CNTN4: variants seen among roughly 807,000 people sequenced by gnomAD.
CNTN4 encodes contactin-4.
Under a neutral mutation model 122.5 loss-of-function variants are expected in CNTN4, and 77 were observed. The observed-to-expected ratio is 0.63, with a 90% CI of 0.52 to 0.76. The LOEUF (loss-of-function observed/expected upper bound fraction) is 0.76, where lower values mean the gene tolerates loss of function less well. Ranked by LOEUF, CNTN4 falls within the 30% of genes least tolerant of loss-of-function variation. The pLI is 0.00. For missense variants in CNTN4, 1,256 were observed against 1,259.1 expected (o/e 1.00, Z 0.04); for synonymous variants, 512 against 447.0 (o/e 1.15, Z -1.83).
chr3:2,692,248 G>T (rs572472061), intron 4 of CNTN4, among the ~76,000 whole-genome samples: 1 of 152,304 alleles, frequency 6.6e-6, no homozygotes, highest in South Asian at 2.1e-4. Context: ...TTGGCAAGAA[G>T]CAGCTTTGCT....
At chr3:2,700,785 T>C (rs2086313291) in intron 4 of CNTN4, among the ~76,000 whole-genome samples, 1 of 152,228 alleles carries the variant, frequency 6.6e-6, no homozygotes, top group Admixed American at 6.5e-5. Flanking sequence ...TGAATTTTGA[T>C]GAAAATGAAA....
intron 7 of CNTN4, among the ~76,000 whole-genome samples, chr3:2,855,376 T>C (rs1343825378): frequency 6.6e-6 from 1 of 152,242 alleles, no homozygotes; most frequent in Non-Finnish European, 1.5e-5. Flanking sequence ...GCTTATGTAA[T>C]TTTCTATATC....
intron 2 of CNTN4, among the ~76,000 whole-genome samples, chr3:2,142,067 T>C (rs2035021994): frequency 6.6e-6 from 1 of 152,218 alleles, no homozygotes; most frequent in Non-Finnish European, 1.5e-5. Context: ...ATTTCTGTCG[T>C]AGGCATATTA....
intron 2 of CNTN4, among the ~76,000 whole-genome samples, chr3:2,194,650 G>T (rs530385221): frequency 1.3e-5 from 2 of 152,260 alleles, no homozygotes; most frequent in South Asian, 4.1e-4. Flanking sequence ...TACTGGAGTA[G>T]GGTGGGCCCC....
At position 2,415,697 on chromosome 3, in the gene CNTN4, C is replaced by G. The variant is rs116398788; in HGVS notation, c.-89+76464C>G. Among the ~76,000 whole-genome samples, 568 of 152,132 alleles carry G rather than the reference C, an allele frequency of 3.7e-3. 4 individuals are homozygous for G. Among genetic ancestry groups the G allele is most frequent in the African/African-American group, 0.013 (556 of 41,504 alleles). On this transcript the variant is annotated intron_variant, in intron 3 of 24. Transcript: ENST00000418658. ...ATTTAAGTTTTTTTCTTTTATTCTT[C>G]TATTAATAATATGATTTCTATAAGT...
chr3:2,979,925 C>CCA (rs1693798896), intron 13 of CNTN4, among the ~76,000 whole-genome samples: 1 of 152,120 alleles, frequency 6.6e-6, no homozygotes, highest in Non-Finnish European at 1.5e-5. Context: ...TCATAGGTCT[C>CCA]CATTTTGGGA....
intron 3 of CNTN4, among the ~76,000 whole-genome samples, chr3:2,412,182 A>T (rs2047248531): frequency 1.3e-5 from 2 of 151,878 alleles, no homozygotes; most frequent in South Asian, 2.1e-4. Flanking sequence ...ATATTATGTC[A>T]TTATATGAAT....
intron 3 of CNTN4, among the ~76,000 whole-genome samples, chr3:2,398,119 A>T (rs1047744203): frequency 1.3e-5 from 2 of 152,152 alleles, no homozygotes; most frequent in African/African-American, 4.8e-5. Flanking sequence ...AGTTTTCTTC[A>T]TTAGGCCTGA....
chr3:2,630,585 C>T (rs4685537), intron 4 of CNTN4, among the ~76,000 whole-genome samples: 4,030 of 152,040 alleles, frequency 0.027, 118 homozygotes, highest in Admixed American at 0.1. Context: ...TATTAGTACA[C>T]GAATCATAAA....
At chr3:2,253,477 A>G (rs1052673459) in intron 2 of CNTN4, among the ~76,000 whole-genome samples, 1 of 152,160 alleles carries the variant, frequency 6.6e-6, no homozygotes, top group Non-Finnish European at 1.5e-5. Flanking sequence ...ATAATTCTAG[A>G]ATTTACTTTA....
intron 4 of CNTN4, among the ~76,000 whole-genome samples, chr3:2,604,020 A>C (rs912936397): frequency 6.6e-6 from 1 of 152,178 alleles, no homozygotes; most frequent in Non-Finnish European, 1.5e-5. Flanking sequence ...AACACCGTGG[A>C]GAGTGGAAAG....
chr3:2,869,855 T>C (rs1457079696), intron 8 of CNTN4, among the ~76,000 whole-genome samples: 1 of 152,202 alleles, frequency 6.6e-6, no homozygotes, highest in Non-Finnish European at 1.5e-5. Context: ...GTAAGTAAGG[T>C]ACTAGCTCTG....
At chr3:2,496,734 A>G (rs531789537) in intron 3 of CNTN4, among the ~76,000 whole-genome samples, 1 of 152,278 alleles carries the variant, frequency 6.6e-6, no homozygotes, top group East Asian at 1.9e-4. Context: ...TTGTCCTACC[A>G]TTGTTTTTCC....
At chr3:2,424,172 C>T (rs191713044) in intron 3 of CNTN4, among the ~76,000 whole-genome samples, 8 of 148,974 alleles carry the variant, frequency 5.4e-5, no homozygotes, top group Non-Finnish European at 1.2e-4. Context: ...CCCATTAACT[C>T]GTCATTTACA....
In CNTN4 at chr3:2,352,705, G is replaced by A. The variant is rs1454466432; in HGVS notation, c.-89+13472G>A. On this transcript the variant is annotated intron_variant, in intron 3 of 24. Transcript: ENST00000418658. ...GCTCCGGCATGGCTGGAGCCTCTCC[G>A]ACAGGTGCCACCCCCTGCTCTGTGG... Among the ~76,000 whole-genome samples the A allele has an allele frequency of 6.6e-5, 10 of 152,174 alleles. 1 individual carries two copies. The South Asian group carries it at 8.3e-4, about 13-fold the overall frequency.
intron 3 of CNTN4, among the ~76,000 whole-genome samples, chr3:2,431,617 C>T (rs1175836603): frequency 6.6e-6 from 1 of 152,046 alleles, no homozygotes; most frequent in African/African-American, 2.4e-5. Flanking sequence ...AGGGACTGAA[C>T]ACGTGTTATG....
chr3:2,840,893 AG>A (rs2093351710), intron 7 of CNTN4, among the ~76,000 whole-genome samples: 1 of 151,992 alleles, frequency 6.6e-6, no homozygotes, highest in Admixed American at 6.6e-5. Context: ...GGCTTGCATA[AG>A]GTCACCTGAA....
Position 2,709,192 on chromosome 3 carries a change from C to G in CNTN4, c.56-27023C>G, listed in dbSNP as rs931649322. Reference sequence around the variant, plus strand: ...CATATTGCATTTACAACAGACAAAACCAAATTTTATTGGTAAAAATAACTA... The same window carrying G: ...CATATTGCATTTACAACAGACAAAAGCAAATTTTATTGGTAAAAATAACTA... On this transcript the variant is annotated intron_variant, in intron 4 of 24. Transcript: ENST00000418658. This position sits in a 1 kb window ranked among gnomAD's most constrained non-coding sequence, Gnocchi z 5.0. Among the ~76,000 whole-genome samples, 2 of 152,020 alleles carry G rather than the reference C, an allele frequency of 1.3e-5. No homozygotes were observed. Among genetic ancestry groups the G allele is most frequent in the Admixed American group, 1.3e-4 (2 of 15,260 alleles).
chr3:2,329,038 A>C (rs2043596864), intron 2 of CNTN4, among the ~76,000 whole-genome samples: 1 of 152,244 alleles, frequency 6.6e-6, no homozygotes, highest in Admixed American at 6.5e-5. Context: ...TATAAATAGA[A>C]GTAAAATTTT....
Sources: gnomAD v4.1 joint callset for allele counts (sites outside exome capture counted in the v4.1 genomes callset) on GRCh38, gnomAD v4.1.1 for gene constraint, Gnocchi (gnomAD v3.1) non-coding constraint, MANE v1.5 for transcripts, NCBI Gene and HGNC (gene_info 2026-07-23, HGNC 2026-07-21) for gene names.